NALCN: variants seen among roughly 807,000 people sequenced by gnomAD.
NALCN encodes sodium leak channel NALCN.
Under a neutral mutation model 225.3 loss-of-function variants are expected in NALCN, and 111 were observed. The ratio of observed to expected loss-of-function variants is 0.49; its 90% confidence interval spans 0.42 to 0.58. NALCN has a LOEUF of 0.58. Ranked by LOEUF, NALCN falls within the 20% of genes least tolerant of loss-of-function variation. The pLI is 0.00. For missense variants in NALCN, 1,378 were observed against 2,202.4 expected, an observed-to-expected ratio of 0.63 and a Z score of 7.49; for synonymous variants, 764 against 769.0, an observed-to-expected ratio of 0.99 and a Z score of 0.11.
chr13:101,247,549 C>T (rs575269760), intron 11 of NALCN, among the ~76,000 whole-genome samples: 5 of 152,154 alleles, frequency 3.3e-5, no homozygotes, highest in African/African-American at 1.2e-4. Context: ...AAACAAAATT[C>T]TAAAATTCAA....
intron 17 of NALCN, among the ~76,000 whole-genome samples, chr13:101,137,373 T>C (rs949062347): frequency 1.0e-4 from 15 of 150,314 alleles, no homozygotes; most frequent in Admixed American, 6.0e-4. Flanking sequence ...CATTTGTTCA[T>C]TCTCTCTCTC....
At chr13:101,270,081 C>T in intron 10 of NALCN, among the ~76,000 whole-genome samples, 1 of 152,140 alleles carries the variant, frequency 6.6e-6, no homozygotes, top group East Asian at 1.9e-4. Context: ...AGGATGGACG[C>T]ATTAGATTAA....
At chr13:101,248,343 G>C (rs1327890438) in intron 11 of NALCN, among the ~76,000 whole-genome samples, 2 of 152,204 alleles carry the variant, frequency 1.3e-5, no homozygotes, top group Non-Finnish European at 2.9e-5. Context: ...GAAACTGTTA[G>C]TGTCAACCAA....
At chr13:101,274,181 T>A (rs375526125) in intron 10 of NALCN, among the ~76,000 whole-genome samples, 1 of 152,216 alleles carries the variant, frequency 6.6e-6, no homozygotes, top group African/African-American at 2.4e-5. Flanking sequence ...CCTAGCTATA[T>A]ATGTTAGAAC....
At chr13:101,206,464 C>G (rs2040314529) in intron 13 of NALCN, among the ~76,000 whole-genome samples, 1 of 151,922 alleles carries the variant, frequency 6.6e-6, no homozygotes, top group Admixed American at 6.6e-5. Flanking sequence ...TTTTACAAGT[C>G]AAAAACCTAA....
At chr13:101,215,408 C>T (rs1398876075) in intron 13 of NALCN, among the ~76,000 whole-genome samples, 5 of 152,130 alleles carry the variant, frequency 3.3e-5, no homozygotes, top group Admixed American at 6.6e-5. Context: ...ACAAACGAAG[C>T]AGCTTAACAC....
chr13:101,225,432 C>A lies in NALCN; in HGVS notation c.1626+3961G>T, dbSNP rs536667437. On this transcript the variant is annotated intron_variant, in intron 13 of 43. Transcript: ENST00000251127. ...TTAGAAAAAGGAGGAGCATCCAAGT[C>A]ATTCCTTTAATGGCTGCCTTATGTA... Among the ~76,000 whole-genome samples the A allele has an allele frequency of 3.4e-3, 511 of 152,300 alleles. 2 individuals carry two copies. Among genetic ancestry groups the A allele is most frequent in the African/African-American group, 0.012 (490 of 41,556 alleles).
chr13:101,116,347 C>T (rs1469907347), intron 18 of NALCN: 12 of 252,322 alleles, frequency 4.8e-5, no homozygotes, highest in Admixed American at 4.4e-5. Context: ...CTTTTATGGA[C>T]GTTGGGGAAA....
At chr13:101,257,654 T>C (rs1254605808) in intron 11 of NALCN, among the ~76,000 whole-genome samples, 1 of 152,202 alleles carries the variant, frequency 6.6e-6, no homozygotes, top group Non-Finnish European at 1.5e-5. Context: ...TGTACAACTG[T>C]GTATGTATAC....
intron 7 of NALCN, among the ~76,000 whole-genome samples, chr13:101,333,615 A>G (rs2045262367): frequency 6.6e-6 from 1 of 152,232 alleles, no homozygotes; most frequent in Admixed American, 6.5e-5. Flanking sequence ...TTGGCAAAGC[A>G]GGGCTCACAA....
intron 34 of NALCN, among the ~76,000 whole-genome samples, chr13:101,079,682 C>T (rs1181028115): frequency 6.6e-6 from 1 of 152,216 alleles, no homozygotes; most frequent in Non-Finnish European, 1.5e-5. Context: ...AGAGCAGCAA[C>T]TATATTTGTT....
chr13:101,182,963 C>T (rs773598320), intron 14 of NALCN, among the ~76,000 whole-genome samples: 59 of 152,136 alleles, frequency 3.9e-4, no homozygotes, highest in South Asian at 2.1e-4. Context: ...CAGTATTTTC[C>T]TACAAACCCA....
At chr13:101,239,003 G>T (rs946085884) in intron 11 of NALCN, among the ~76,000 whole-genome samples, 3 of 151,804 alleles carry the variant, frequency 2.0e-5, no homozygotes, top group African/African-American at 7.2e-5. Context: ...AATTTTAATT[G>T]CCATTTCCCT....
chr13:101,377,861 CT>C (rs1329703975), intron 4 of NALCN, among the ~76,000 whole-genome samples: 8 of 152,048 alleles, frequency 5.3e-5, no homozygotes, highest in African/African-American at 1.9e-4. Context: ...AATATAGTAA[CT>C]TTAGTTGAAT....
intron 37 of NALCN, among the ~76,000 whole-genome samples, chr13:101,072,551 A>G (rs2139460945): frequency 6.6e-6 from 1 of 152,214 alleles, no homozygotes; most frequent in East Asian, 1.9e-4. Context: ...TTGTATTTTT[A>G]TTTAAGATTC....
At chr13:101,118,438 T>C (rs2035818800) in intron 18 of NALCN, among the ~76,000 whole-genome samples, 1 of 152,194 alleles carries the variant, frequency 6.6e-6, no homozygotes, top group Admixed American at 6.6e-5. Flanking sequence ...TTAGAATATA[T>C]TATTTTTGTT....
intron 18 of NALCN, among the ~76,000 whole-genome samples, chr13:101,119,182 T>C (rs1454215389): frequency 1.3e-5 from 2 of 152,218 alleles, no homozygotes; most frequent in Non-Finnish European, 1.5e-5. Context: ...TAATTGCAGA[T>C]TAATAAATAC....
At chr13:101,119,707 G>C (rs1308028657) in intron 18 of NALCN, among the ~76,000 whole-genome samples, 1 of 152,182 alleles carries the variant, frequency 6.6e-6, no homozygotes, top group Non-Finnish European at 1.5e-5. Flanking sequence ...AAAGGTCACT[G>C]CCTTTTGAAA....
rs2139369632 is a variant in NALCN, at chr13:101,055,042, C to T, written c.*253G>A. The T allele has an allele frequency of 4.2e-6, 2 of 479,274 alleles. No individual in the cohort carries two copies. Among genetic ancestry groups the T allele is most frequent in the Admixed American group, 3.8e-5 (1 of 26,474 alleles). The allele number at this position is 479,274 out of a possible 1,614,324, so 29.7% of individuals were successfully genotyped here. On this transcript the variant is annotated 3_prime_UTR_variant, in exon 44 of 44. Coordinates refer to ENST00000251127, the MANE Select transcript of NALCN (RefSeq NM_052867.4). ...ATATATGACATTTTTAAGTGATATA[C>T]ATTTGCTTGCGGTATCATTTCTAAT... is the stretch of plus-strand genomic sequence containing the variant.
Sources: allele counts gnomAD v4.1 joint callset (sites outside exome capture counted in the v4.1 genomes callset), GRCh38; gene constraint gnomAD v4.1.1; transcripts MANE v1.5; gene names NCBI Gene and HGNC (gene_info 2026-07-23, HGNC 2026-07-21).